Variants in TRIO observed in about 807,000 individuals in gnomAD.
The protein encoded by TRIO is triple functional domain protein.
In TRIO, 58 loss-of-function variants were observed where a neutral mutation model predicts 351.9. That is an observed-to-expected ratio of 0.16 (90% confidence interval 0.13 to 0.21). TRIO has a LOEUF of 0.21. Among genes scored for constraint, TRIO ranks in the 10% least tolerant of loss-of-function variants. The pLI, the probability that TRIO is intolerant of heterozygous loss-of-function variation, is 1.00. For missense variants in TRIO, 3,201 were observed against 4,027.8 expected (o/e 0.79, Z 5.56); for synonymous variants, 1,758 against 1,595.7 (o/e 1.10, Z -2.42).
At position 14,488,286 on chromosome 5, in the gene TRIO, C is replaced by T. The variant is rs1414937984; in HGVS notation, c.7632+26C>T. ...GTAAGCGCGTCGGGGGGCCCGCGCC[C>T]TCCCGCCCCCCTGCCTCTGTCCCGC... On this transcript the variant is annotated intron_variant, in intron 48 of 56. Coordinates refer to ENST00000344204, the MANE Select transcript of TRIO (RefSeq NM_007118.4). The T allele has an allele frequency of 3.9e-6, 6 of 1,527,476 alleles. No individual in the cohort carries two copies. In the African/African-American group the frequency reaches 5.5e-5, roughly 14 times the overall value. 94.6% of individuals were successfully genotyped at this position (1,527,476 alleles called of 1,614,324 possible).
rs1223468714 is a variant in TRIO, at chr5:14,504,581, T to C, written c.8600T>C (p.Leu2867Pro). The C allele has an allele frequency of 6.2e-7, 1 of 1,614,150 alleles. No individual in the cohort carries two copies. The highest frequency in any genetic ancestry group is 1.7e-5 in the Admixed American group (1 of 60,018). Residue 2867 changes from leucine (L) to proline (P), a missense_variant, in exon 55 of 57, where the codon CTG becomes CCG. By Grantham distance (98) the Leu-to-Pro change is moderately conservative (BLOSUM62 -3). Transcript: ENST00000344204. Reference protein sequence around the residue: ...DTFETPTSYILVLEMADQGRL... With the variant: ...DTFETPTSYIPVLEMADQGRL... The stretch of plus-strand genomic sequence containing the variant: ...TTTGAGACCCCCACCAGCTACATCC[T>C]GGTCTTAGAAATGTGCGTACACACC...
Position 14,267,954 on chromosome 5 carries a change from T to G in TRIO, c.158-2871T>G, listed in dbSNP as rs149421514. 2.0e-5 allele frequency among the ~76,000 whole-genome samples: 3 copies of G among 152,374 alleles called. No homozygotes were observed. The East Asian group carries it at 5.8e-4, about 29-fold the overall frequency. On this transcript the variant is annotated intron_variant, in intron 1 of 56. Transcript: ENST00000344204. ...TTTTCAGTGACAATCTACAAAAATA[T>G]AGTTAAACTGGTTAGAATTTATATT...
intron 18 of TRIO, among the ~76,000 whole-genome samples, chr5:14,370,784 T>G (rs2152345439): frequency 6.6e-6 from 1 of 152,320 alleles, no homozygotes; most frequent in Admixed American, 6.5e-5. Context: ...ACTGCTTAAG[T>G]TTACCAAATG....
intron 1 of TRIO, among the ~76,000 whole-genome samples, chr5:14,246,447 C>G (rs1167819720): frequency 2.0e-5 from 3 of 152,184 alleles, no homozygotes; most frequent in Admixed American, 6.5e-5. Context: ...GCTTCACTTT[C>G]CCTGTCTGTC....
intron 21 of TRIO, among the ~76,000 whole-genome samples, chr5:14,384,277 C>T (rs1019563712): frequency 2.6e-5 from 4 of 152,302 alleles, no homozygotes; most frequent in South Asian, 2.1e-4. Context: ...TGATCACCAG[C>T]GTCCGCAATG....
At chr5:14,436,201 T>C (rs1751577646) in intron 34 of TRIO, among the ~76,000 whole-genome samples, 2 of 152,308 alleles carry the variant, frequency 1.3e-5, no homozygotes, top group Admixed American at 1.3e-4. Flanking sequence ...ACAATCTTGA[T>C]GGAAGGCAAG....
chr5:14,176,177 A>C (rs1043972589), intron 1 of TRIO, among the ~76,000 whole-genome samples: 1 of 152,262 alleles, frequency 6.6e-6, no homozygotes, highest in African/African-American at 2.4e-5. Context: ...TTCTTTCTTT[A>C]AAGACAGAGT....
intron 39 of TRIO, 124 bp from the exon 40 acceptor site, chr5:14,473,870 A>T (rs933434892): frequency 7.2e-6 from 6 of 838,658 alleles, no homozygotes; most frequent in Admixed American, 5.3e-5. Flanking sequence ...TTGTTTTTAG[A>T]CAAAGAACTG....
At chr5:14,200,677 A>G (rs553405557) in intron 1 of TRIO, among the ~76,000 whole-genome samples, 15 of 152,194 alleles carry the variant, frequency 9.9e-5, no homozygotes, top group South Asian at 6.2e-4. Context: ...GAAGGTAGAT[A>G]TAAGTGCAGT....
chr5:14,464,623 C>T (rs867009154), intron 36 of TRIO, among the ~76,000 whole-genome samples: 2 of 152,224 alleles, frequency 1.3e-5, no homozygotes. Context: ...ACCAAACCAA[C>T]ATTTGTTTTG....
intron 3 of TRIO, among the ~76,000 whole-genome samples, chr5:14,284,115 G>T (rs1174376382): frequency 1.3e-5 from 2 of 152,110 alleles, no homozygotes; most frequent in African/African-American, 4.8e-5. Context: ...CACATAAGAA[G>T]ATACTTTCTT....
chr5:14,434,355 A>G (rs1340506646), intron 34 of TRIO, among the ~76,000 whole-genome samples: 1 of 152,130 alleles, frequency 6.6e-6, no homozygotes, highest in Non-Finnish European at 1.5e-5. Flanking sequence ...CTTTATTTAC[A>G]GATCTTTAAT....
Position 14,492,663 on chromosome 5 carries a change from G to A in TRIO, c.7729G>A (p.Val2577Ile). The A allele has an allele frequency of 2.5e-6, 4 of 1,614,196 alleles. No individual in the cohort carries two copies. The highest frequency in any genetic ancestry group is 3.4e-6 in the Non-Finnish European group (4 of 1,180,046). Residue 2577 changes from valine to isoleucine, a missense_variant, in exon 49 of 57, where the codon GTC becomes ATC. Val to Ile is a conservative substitution (Grantham distance 29). Transcript: ENST00000344204. ...TGAGATCAACGTCTACCAAGGAGAG[G>A]TCGTTCAAATTCTGGCCAGCAACCA... ...EDEINVYQGE[V>I]VQILASNQQN...
intron 34 of TRIO, among the ~76,000 whole-genome samples, chr5:14,435,765 C>G (rs565077667): frequency 1.3e-5 from 2 of 152,294 alleles, no homozygotes; most frequent in African/African-American, 4.8e-5. Context: ...CTGTGGCTAT[C>G]AGGAGCCCTG....
chr5:14,270,825 G>A lies in TRIO; in HGVS notation c.158G>A (p.Gly53Glu). ...LADIAAFFRS[G>E]FRKNDEMKAM... Reference sequence around the variant, plus strand: ...TTTATTTTCTCCTTCTGTATTTCAGGGTTTCGAAAAAACGATGAAATGAAA... The same window carrying A: ...TTTATTTTCTCCTTCTGTATTTCAGAGTTTCGAAAAAACGATGAAATGAAA... The change falls in exon 2 of 57, where the codon GGG (glycine) becomes GAG (glutamate). Residue 53 changes from glycine (G) to glutamate (E), a missense_variant and splice_region_variant. Gly to Glu is a moderately conservative substitution (Grantham distance 98). This residue lies in a region of TRIO where 109 missense variants were observed against 134.6 expected (regional missense o/e 0.81). Coordinates refer to ENST00000344204, the MANE Select transcript of TRIO (RefSeq NM_007118.4). 2 of 1,613,312 alleles carry A rather than the reference G, an allele frequency of 1.2e-6. No homozygotes were observed. Among genetic ancestry groups the A allele is most frequent in the South Asian group, 1.1e-5 (1 of 91,058 alleles).
intron 48 of TRIO, chr5:14,489,213 A>C (rs1288727463): frequency 3.6e-6 from 2 of 549,672 alleles, no homozygotes; most frequent in Non-Finnish European, 6.5e-6. Context: ...CTCTGGACTT[A>C]TTAATGCCTT....
chr5:14,368,926 A>C (rs1242495417), intron 17 of TRIO, 27 bp downstream of exon 17: 1 of 1,600,686 alleles, frequency 6.2e-7, no homozygotes, highest in African/African-American at 1.3e-5. Flanking sequence ...CCTTCCTTGA[A>C]CTCCACTGAT....
At chr5:14,239,907 G>T (rs1794024748) in intron 1 of TRIO, among the ~76,000 whole-genome samples, 1 of 152,192 alleles carries the variant, frequency 6.6e-6, no homozygotes, top group Non-Finnish European at 1.5e-5. Context: ...TTTCACGGGA[G>T]GGAACTGCCA....
chr5:14,372,275 AGT>A (rs1468164114), intron 18 of TRIO, among the ~76,000 whole-genome samples: 2 of 149,164 alleles, frequency 1.3e-5, no homozygotes, highest in Non-Finnish European at 3.0e-5. Context: ...AGAGAGAGAG[AGT>A]GCAGGCGAGC....
Sources: gnomAD v4.1 joint callset for allele counts (sites outside exome capture counted in the v4.1 genomes callset) on GRCh38, gnomAD v4.1.1 for gene constraint, gnomAD v4.1.1 regional missense constraint, MANE v1.5 for transcripts, NCBI Gene and HGNC (gene_info 2026-07-23, HGNC 2026-07-21) for gene names.